Variants in ZSCAN10 observed in about 807,000 individuals in gnomAD.
The protein encoded by ZSCAN10 is zinc finger and SCAN domain containing 10, also known as zinc finger and SCAN domain-containing protein 10.
ZSCAN10 carries 52 observed loss-of-function variants against 63.7 expected under a neutral mutation model. That is an observed-to-expected ratio of 0.82 (90% confidence interval 0.65 to 1.03). ZSCAN10 has a LOEUF of 1.03. Among genes scored for constraint, ZSCAN10 ranks in the 50% least tolerant of loss-of-function variants. The pLI, the probability that ZSCAN10 is intolerant of heterozygous loss-of-function variation, is 0.00. For missense variants in ZSCAN10, 1,223 were observed against 1,103.8 expected, an observed-to-expected ratio of 1.11 and a Z score of -1.53; for synonymous variants, 544 against 479.6, an observed-to-expected ratio of 1.13 and a Z score of -1.76.
Position 3,092,682 on chromosome 16 carries a change from G to C in ZSCAN10, c.256C>G (p.Leu86Val), listed in dbSNP as rs752604251. 2.5e-6 allele frequency: 4 copies of C among 1,613,384 alleles called. No homozygotes were observed. The highest frequency in any genetic ancestry group is 2.5e-6 in the Non-Finnish European group (3 of 1,179,934). ...ALHTKKQILELLVLEQFLSVL... is the reference protein window; with the variant it reads ...ALHTKKQILEVLVLEQFLSVL... ...CTCAGGAACTGCTCCAGCACCAGCA[G>C]CTCCAGGATCTGTTTCTTGGTGTGC... The change falls in exon 2 of 6, where the codon CTG (leucine) becomes GTG (valine). Residue 86 changes from leucine to valine, a missense_variant. Coordinates refer to ENST00000576985, the MANE Select transcript of ZSCAN10 (RefSeq NM_032805.3).
Position 3,090,600 on chromosome 16 carries a change from C to T in ZSCAN10, c.834G>A (p.Glu278=), listed in dbSNP as rs140690870. ...GAGTGGGCCAGGCAGCCCCTTTGGG[C>T]TCTTCTTGTTTAAATTCCTCCTTGT... ...TPDKEEFKQE[E]PKGAAWPTPI... Residue 278 remains glutamate, a synonymous_variant, in exon 6 of 6, where the codon GAG becomes GAA. Coordinates refer to ENST00000576985, the MANE Select transcript of ZSCAN10 (RefSeq NM_032805.3). 1,547 of 1,558,282 alleles carry T rather than the reference C, an allele frequency of 9.9e-4. 11 individuals are homozygous for T. The African/African-American group carries it at 0.018, about 19-fold the overall frequency.
chr16:3,092,393 A>G (rs1482047663), intron 2 of ZSCAN10, 77 bp from the exon 3 acceptor site: 7 of 1,530,362 alleles, frequency 4.6e-6, no homozygotes, highest in Non-Finnish European at 6.1e-6. Context: ...CATGGGACAG[A>G]AACGAGGTTA....
chr16:3,093,638 C>T (rs572664759), intron 1 of ZSCAN10, among the ~76,000 whole-genome samples: 1 of 150,116 alleles, frequency 6.7e-6, no homozygotes, highest in Non-Finnish European at 1.5e-5. Flanking sequence ...ATGGCACCAT[C>T]AAGATGGATC....
In ZSCAN10 at chr16:3,092,152, C is replaced by G; in HGVS notation, c.561G>C (p.Arg187Ser). ...GTCCCGGCTCAGCAGGCTGGGCAGCCCTTGGCTGGGGTCGGGGAGGCTCAT... is the reference window on the plus strand; with the variant it reads ...GTCCCGGCTCAGCAGGCTGGGCAGCGCTTGGCTGGGGTCGGGGAGGCTCAT... Reference protein sequence around the residue: ...PSDEPPRPQPRAAQPAEPGQW... With the variant: ...PSDEPPRPQPSAAQPAEPGQW... Residue 187 changes from arginine (R) to serine (S), a missense_variant, in exon 3 of 6, where the codon AGG becomes AGC. Transcript: ENST00000576985. 6.2e-7 allele frequency: 1 copy of G among 1,613,544 alleles called. No individual in the cohort carries two copies. The highest frequency in any genetic ancestry group is 8.5e-7 in the Non-Finnish European group (1 of 1,179,900).
chr16:3,089,084 G>A lies in ZSCAN10; in HGVS notation c.*7C>T. ...CGCAGGGCGCGGCTGGCGGAAGGCG[G>A]GCCAAGCTAGTACAGCGTCTCGCGG... On this transcript the variant is annotated 3_prime_UTR_variant, in exon 6 of 6. Transcript: ENST00000576985. 6.8e-6 allele frequency: 10 copies of A among 1,479,748 alleles called. No individual in the cohort carries two copies. Among genetic ancestry groups the A allele is most frequent in the Non-Finnish European group, 8.9e-6 (10 of 1,126,984 alleles). 91.7% of individuals were successfully genotyped at this position (1,479,748 alleles called of 1,614,324 possible). A position where few individuals can be genotyped will look rare whatever the true frequency, so the allele number is the denominator to read the frequency against.
At position 3,092,927 on chromosome 16, in the gene ZSCAN10, T is replaced by C; in HGVS notation, c.11A>G (p.Glu4Gly). The C allele has an allele frequency of 7.0e-7, 1 of 1,421,230 alleles. No homozygotes were observed. The highest frequency in any genetic ancestry group is 9.2e-7 in the Non-Finnish European group (1 of 1,088,410). The allele number at this position is 1,421,230 out of a possible 1,614,324, so 88.0% of individuals were successfully genotyped here. The part of the protein sequence containing the change: MLG[E>G]SVPAAVEQEQ... ...CTGCTCCACGGCAGCTGGGACTGAT[T>C]CTCCAAGCATCCTTCACTGCGGGGA... Residue 4 changes from glutamate to glycine, a missense_variant, in exon 2 of 6, where the codon GAA (glutamate) becomes GGA (glycine). Glu to Gly is a moderately conservative substitution (Grantham distance 98). Coordinates refer to ENST00000576985, the MANE Select transcript of ZSCAN10 (RefSeq NM_032805.3).
intron 1 of ZSCAN10, among the ~76,000 whole-genome samples, chr16:3,097,605 G>A (rs1316959243): frequency 1.3e-5 from 2 of 152,114 alleles, no homozygotes; most frequent in Non-Finnish European, 2.9e-5. Context: ...CCGGAACTAC[G>A]CTTTCCTGCC....
chr16:3,095,175 T>C (rs1044206026), intron 1 of ZSCAN10, among the ~76,000 whole-genome samples: 4 of 136,394 alleles, frequency 2.9e-5, no homozygotes, highest in African/African-American at 1.1e-4. Context: ...GCCTCAGGAG[T>C]TCAAGACCAG....
intron 5 of ZSCAN10, 141 bp downstream of exon 5, chr16:3,091,399 T>G (rs916008364): frequency 6.8e-6 from 6 of 882,576 alleles, no homozygotes; most frequent in East Asian, 2.5e-5. Context: ...ATCCTAGTAC[T>G]TTGGGAGGCT....
At position 3,092,973 on chromosome 16, in the gene ZSCAN10, C is replaced by T. The variant is rs188518950; in HGVS notation, c.-36G>A. The T allele has an allele frequency of 6.0e-5, 84 of 1,399,808 alleles. No homozygotes were observed. In the African/African-American group the frequency reaches 6.6e-4, roughly 11 times the overall value. The allele number at this position is 1,399,808 out of a possible 1,614,324, so 86.7% of individuals were successfully genotyped here. ...GGGGATGCCTCCCTAACGCCAGCCCCGCTCTTGGGTCTCTCTCCTCTCCTC... is the reference window on the plus strand; with the variant it reads ...GGGGATGCCTCCCTAACGCCAGCCCTGCTCTTGGGTCTCTCTCCTCTCCTC... On this transcript the variant is annotated 5_prime_UTR_variant, in exon 2 of 6. Coordinates refer to ENST00000576985, the MANE Select transcript of ZSCAN10 (RefSeq NM_032805.3).
chr16:3,093,219 T>A, intron 1 of ZSCAN10: 1 of 301,598 alleles, frequency 3.3e-6, no homozygotes, highest in Non-Finnish European at 6.0e-6. Flanking sequence ...CATCCCTCCT[T>A]AAAGCATTTA....
At position 3,090,370 on chromosome 16, in the gene ZSCAN10, C is replaced by T; in HGVS notation, c.1064G>A (p.Ser355Asn). The T allele has an allele frequency of 6.2e-7, 1 of 1,612,922 alleles. No homozygotes were observed. The highest frequency in any genetic ancestry group is 1.1e-5 in the South Asian group (1 of 91,062). ...CTTCAGGCGAGACAGCTGCGGGAAGCTCACCCCGCAGTCCGCGCAGATGAA... is the reference window on the plus strand; with the variant it reads ...CTTCAGGCGAGACAGCTGCGGGAAGTTCACCCCGCAGTCCGCGCAGATGAA... Reference protein sequence around the residue: ...LQFICADCGVSFPQLSRLKAH... With the variant: ...LQFICADCGVNFPQLSRLKAH... Residue 355 changes from serine to asparagine, a missense_variant, in exon 6 of 6, where the codon AGC becomes AAC. By Grantham distance (46) the Ser-to-Asn change is conservative (BLOSUM62 1). Coordinates refer to ENST00000576985, the MANE Select transcript of ZSCAN10 (RefSeq NM_032805.3).
At chr16:3,093,687 CT>C (rs1169436067) in intron 1 of ZSCAN10, among the ~76,000 whole-genome samples, 20 of 46,602 alleles carry the variant, frequency 4.3e-4, no homozygotes, top group Non-Finnish European at 4.1e-4. Flanking sequence ...TTTTTTTTTT[CT>C]TTTTTTTTTT....
intron 2 of ZSCAN10, 91 bp downstream of exon 2, chr16:3,092,451 G>C (rs1484621372): frequency 8.9e-6 from 13 of 1,468,734 alleles, no homozygotes; most frequent in African/African-American, 1.4e-5. Flanking sequence ...ATGGTCAGGT[G>C]GGGGAAAGTG....
At position 3,092,260 on chromosome 16, in the gene ZSCAN10, T is replaced by A; in HGVS notation, c.453A>T (p.Glu151Asp). ...TGGGGACCTGGGAAGCACACCCCTT[T>A]TCCTCCAAGGTGACGTCTGCACGGG... is the stretch of plus-strand genomic sequence containing the variant. The part of the protein sequence containing the change: ...SCPRADVTLE[E>D]KGCASQVPSH... The change falls in exon 3 of 6, where the codon GAA becomes GAT. Residue 151 changes from glutamate to aspartate, a missense_variant. Physicochemically the swap from Glu to Asp is conservative, Grantham distance 45. Transcript: ENST00000576985. 1.2e-6 allele frequency: 2 copies of A among 1,613,270 alleles called. No individual in the cohort carries two copies. The highest frequency in any genetic ancestry group is 1.7e-6 in the Non-Finnish European group (2 of 1,179,990).
At position 3,092,278 on chromosome 16, in the gene ZSCAN10, T is replaced by C; in HGVS notation, c.435A>G (p.Ala145=). ...SCNAGKSCPR[A]DVTLEEKGCA... is the part of the protein sequence containing the mutation. ...ACCCCTTTTCCTCCAAGGTGACGTC[T>C]GCACGGGGACAACTCTTGCCAGCAT... The change falls in exon 3 of 6, where the codon GCA becomes GCG. Residue 145 remains alanine (A), a synonymous_variant. Coordinates refer to ENST00000576985, the MANE Select transcript of ZSCAN10 (RefSeq NM_032805.3). 1.2e-6 allele frequency: 2 copies of C among 1,612,556 alleles called. No homozygotes were observed. The highest frequency in any genetic ancestry group is 1.3e-5 in the African/African-American group (1 of 75,042).
At chr16:3,098,278 T>A (rs1487423856) in intron 1 of ZSCAN10, among the ~76,000 whole-genome samples, 2 of 152,004 alleles carry the variant, frequency 1.3e-5, no homozygotes, top group African/African-American at 4.8e-5. Context: ...AAACAATCAC[T>A]TCTCCCTTTG....
At position 3,092,548 on chromosome 16, in the gene ZSCAN10, C is replaced by T. The variant is rs954870086; in HGVS notation, c.390G>A (p.Gly130=). The T allele has an allele frequency of 6.6e-7, 1 of 1,526,420 alleles. No homozygotes were observed. The highest frequency in any genetic ancestry group is 8.8e-7 in the Non-Finnish European group (1 of 1,138,142). The allele number at this position is 1,526,420 out of a possible 1,614,324, so 94.6% of individuals were successfully genotyped here. Residue 130 remains glycine, a synonymous_variant, in exon 2 of 6, where the codon GGG becomes GGA. Transcript: ENST00000576985. ...CGCTGCCCCACCCTCTCACCAGCGG[C>T]CCCGCGTGGCTGGGCTCCCGGTGGA... The part of the protein sequence containing the change: ...EGIHREPSHA[G]PLDFSCNAGK...
chr16:3,097,945 A>G (rs1280763330), intron 1 of ZSCAN10, among the ~76,000 whole-genome samples: 1 of 151,134 alleles, frequency 6.6e-6, no homozygotes, highest in Non-Finnish European at 1.5e-5. Context: ...TGGGTGGCCA[A>G]GGCAGAAGGA....
Sources: allele counts gnomAD v4.1 joint callset (sites outside exome capture counted in the v4.1 genomes callset), GRCh38; gene constraint gnomAD v4.1.1; transcripts MANE v1.5; gene names NCBI Gene and HGNC (gene_info 2026-07-23, HGNC 2026-07-21).